ADAMTS2: variants seen among roughly 807,000 people sequenced by gnomAD.
The protein encoded by ADAMTS2 is ADAM metallopeptidase with thrombospondin type 1 motif 2.
In ADAMTS2, 50 loss-of-function variants were observed where a neutral mutation model predicts 123.0. That is an observed-to-expected ratio of 0.41 (90% CI 0.32 to 0.51). The LOEUF (loss-of-function observed/expected upper bound fraction) is 0.51, where lower values mean the gene tolerates loss of function less well. Among genes scored for constraint, ADAMTS2 ranks in the 20% least tolerant of loss-of-function variants. The pLI is 0.35. For missense variants in ADAMTS2, 1,494 were observed against 1,705.2 expected (o/e 0.88, Z 2.18); for synonymous variants, 678 against 695.4 (o/e 0.98, Z 0.39).
intron 20 of ADAMTS2, among the ~76,000 whole-genome samples, 191 bp downstream of exon 20, chr5:179,122,453 C>T (rs1257951732): frequency 6.6e-6 from 1 of 152,228 alleles, no homozygotes; most frequent in Non-Finnish European, 1.5e-5. Flanking sequence ...GTCAGCTCCA[C>T]ACAGCTCCCT....
intron 5 of ADAMTS2, among the ~76,000 whole-genome samples, chr5:179,169,080 G>A (rs1330435822): frequency 6.6e-6 from 1 of 152,216 alleles, no homozygotes; most frequent in East Asian, 1.9e-4. Context: ...GCTAGAATCT[G>A]AATGTTGTGT....
intron 2 of ADAMTS2, among the ~76,000 whole-genome samples, chr5:179,329,901 T>C (rs1030083803): frequency 2.7e-5 from 4 of 149,278 alleles, no homozygotes; most frequent in African/African-American, 4.9e-5. Context: ...CCGAGGCGGG[T>C]GGATCATGAG....
intron 3 of ADAMTS2, among the ~76,000 whole-genome samples, chr5:179,264,175 G>A (rs1160273924): frequency 6.6e-6 from 1 of 152,016 alleles, no homozygotes; most frequent in African/African-American, 2.4e-5. Flanking sequence ...CTCACCTGTC[G>A]CCCCACCCCT....
chr5:179,125,617 A>G (rs1459142174), intron 18 of ADAMTS2, among the ~76,000 whole-genome samples: 1 of 152,068 alleles, frequency 6.6e-6, no homozygotes, highest in Non-Finnish European at 1.5e-5. Flanking sequence ...CCATTTCCCA[A>G]CTGTCTTCCC....
At chr5:179,231,088 G>A (rs1455578015) in intron 3 of ADAMTS2, among the ~76,000 whole-genome samples, 1 of 152,104 alleles carries the variant, frequency 6.6e-6, no homozygotes, top group Non-Finnish European at 1.5e-5. Flanking sequence ...CAGTGACAGT[G>A]TAATGGTACG....
rs115894832 is a variant in ADAMTS2 at position 179,146,610 on chromosome 5, G to T, written c.1629+5532C>A. ...GTGTTCATCAGATTCACTCCTCTTC[G>T]TTAATGAGACTGTCAAACGCTCCAA... On this transcript the variant is annotated intron_variant, in intron 10 of 21. Coordinates refer to ENST00000251582, the MANE Select transcript of ADAMTS2 (RefSeq NM_014244.5). Among the ~76,000 whole-genome samples the T allele has an allele frequency of 4.6e-3, 694 of 152,268 alleles. 3 individuals are homozygous for T. Among genetic ancestry groups the T allele is most frequent in the Middle Eastern group, 0.02 (6 of 294 alleles).
At chr5:179,229,608 T>C (rs1336629888) in intron 3 of ADAMTS2, among the ~76,000 whole-genome samples, 4 of 151,604 alleles carry the variant, frequency 2.6e-5, no homozygotes, top group African/African-American at 7.3e-5. Context: ...CCCACTGGGG[T>C]GCAGAGGTAC....
chr5:179,344,870 C>A (rs1225991938), intron 1 of ADAMTS2, among the ~76,000 whole-genome samples: 2 of 152,222 alleles, frequency 1.3e-5, no homozygotes, highest in Non-Finnish European at 2.9e-5. Flanking sequence ...CGCCGCCTCG[C>A]CCTGGCTCCC....
chr5:179,320,370 C>T (rs953686932), intron 2 of ADAMTS2, among the ~76,000 whole-genome samples: 13 of 152,136 alleles, frequency 8.5e-5, no homozygotes, highest in East Asian at 3.9e-4. Flanking sequence ...TGCAGTGGCA[C>T]GATCTTGACT....
In ADAMTS2 at chr5:179,314,547, C is replaced by T. The variant is rs1756928336; in HGVS notation, c.534+29220G>A. Among the ~76,000 whole-genome samples the T allele has an allele frequency of 6.6e-6, 1 of 152,228 alleles. No homozygotes were observed. Among genetic ancestry groups the T allele is most frequent in the South Asian group, 2.1e-4 (1 of 4,830 alleles). On this transcript the variant is annotated intron_variant, in intron 2 of 21. Transcript: ENST00000251582. This position sits in a 1 kb window ranked among gnomAD's most constrained non-coding sequence, Gnocchi z 4.5. Reference sequence around the variant, plus strand: ...CCCACCCACAGCGCTCCTGCCTCTGCAGCCCCCCGGGCCGTGTCTCTCTCT... The same window carrying T: ...CCCACCCACAGCGCTCCTGCCTCTGTAGCCCCCCGGGCCGTGTCTCTCTCT...
In ADAMTS2 at chr5:179,234,967, G is replaced by A. The variant is rs1765491060; in HGVS notation, c.689-27252C>T. Among the ~76,000 whole-genome samples, 1 of 152,168 alleles carries A rather than the reference G, an allele frequency of 6.6e-6. No individual in the cohort carries two copies. Among genetic ancestry groups the A allele is most frequent in the Admixed American group, 6.5e-5 (1 of 15,284 alleles). ...CTGACCTGCCTGCCAACCCTCCCAGGGACCTGCTCATGTTCCCGCAACGCC... is the reference window on the plus strand; with the variant it reads ...CTGACCTGCCTGCCAACCCTCCCAGAGACCTGCTCATGTTCCCGCAACGCC... On this transcript the variant is annotated intron_variant, in intron 3 of 21. Transcript: ENST00000251582. This position sits in a 1 kb window ranked among gnomAD's most constrained non-coding sequence, Gnocchi z 4.7.
rs151062221 is a variant in ADAMTS2 at position 179,297,497 on chromosome 5, C to G, written c.535-24433G>C. On this transcript the variant is annotated intron_variant, in intron 2 of 21. Transcript: ENST00000251582. The stretch of plus-strand genomic sequence containing the variant: ...CCCACTCCCTGCTAGTACTGTCCAG[C>G]CAGAAGGCCCTCCCCACAGCCTGCC... 1.5e-3 allele frequency among the ~76,000 whole-genome samples: 227 copies of G among 152,182 alleles called. 3 individuals carry two copies. Among genetic ancestry groups the G allele is most frequent in the African/African-American group, 5.2e-3 (216 of 41,518 alleles).
intron 2 of ADAMTS2, among the ~76,000 whole-genome samples, chr5:179,301,876 C>T (rs572925114): frequency 8.5e-5 from 13 of 152,314 alleles, no homozygotes; most frequent in African/African-American, 2.2e-4. Context: ...GCAGGGCGTG[C>T]GGGATGCCCC....
intron 4 of ADAMTS2, among the ~76,000 whole-genome samples, chr5:179,199,967 T>C (rs1393436071): frequency 6.6e-6 from 1 of 152,054 alleles, no homozygotes; most frequent in African/African-American, 2.4e-5. Context: ...GAACAGCGAG[T>C]TGAGAGACAG....
At position 179,260,950 on chromosome 5, in the gene ADAMTS2, C is replaced by T. The variant is rs1561649324; in HGVS notation, c.688+11961G>A. 1.3e-5 allele frequency among the ~76,000 whole-genome samples: 2 copies of T among 152,108 alleles called. No homozygotes were observed. The highest frequency in any genetic ancestry group is 6.5e-5 in the Admixed American group (1 of 15,272). On this transcript the variant is annotated intron_variant, in intron 3 of 21. Transcript: ENST00000251582. The surrounding 1 kb of genome is among the most constrained non-coding windows in gnomAD (Gnocchi z 4.2). ...ACACCATGAAGAGTGCCCACCTTCG[C>T]GCAGGCCCTCGGTGAATGGGCATGT... is the stretch of plus-strand genomic sequence containing the variant.
At position 179,225,290 on chromosome 5, in the gene ADAMTS2, C is replaced by A. The variant is rs954619960; in HGVS notation, c.689-17575G>T. Among the ~76,000 whole-genome samples, 1 of 152,210 alleles carries A rather than the reference C, an allele frequency of 6.6e-6. No homozygotes were observed. Among genetic ancestry groups the A allele is most frequent in the Non-Finnish European group, 1.5e-5 (1 of 68,038 alleles). On this transcript the variant is annotated intron_variant, in intron 3 of 21. Coordinates refer to ENST00000251582, the MANE Select transcript of ADAMTS2 (RefSeq NM_014244.5). This position sits in a 1 kb window ranked among gnomAD's most constrained non-coding sequence, Gnocchi z 4.5. ...CTCTTACAAATCAACAGGAAACAAT[C>A]CAGCAATCCAAAAGGGAAATGGACA... is the stretch of plus-strand genomic sequence containing the variant.
chr5:179,133,045 C>T, intron 13 of ADAMTS2, 145 bp from the exon 14 acceptor site: 1 of 1,118,774 alleles, frequency 8.9e-7, no homozygotes, highest in Non-Finnish European at 1.3e-6. Flanking sequence ...AGGCGTGAAC[C>T]ACCTTGCCTG....
At chr5:179,306,083 T>A (rs1306959806) in intron 2 of ADAMTS2, among the ~76,000 whole-genome samples, 1 of 152,186 alleles carries the variant, frequency 6.6e-6, no homozygotes, top group Non-Finnish European at 1.5e-5. Context: ...CCCATTCATT[T>A]TATGAGGTCA....
At chr5:179,302,573 T>C (rs570481665) in intron 2 of ADAMTS2, among the ~76,000 whole-genome samples, 63 of 151,848 alleles carry the variant, frequency 4.1e-4, no homozygotes, top group African/African-American at 1.4e-3. Flanking sequence ...CACCGATAGA[T>C]GTGGCCACAA....
Sources: allele counts gnomAD v4.1 joint callset (sites outside exome capture counted in the v4.1 genomes callset), GRCh38; gene constraint gnomAD v4.1.1; non-coding constraint Gnocchi (gnomAD v3.1); transcripts MANE v1.5; gene names NCBI Gene and HGNC (gene_info 2026-07-23, HGNC 2026-07-21).